The following PM20D2 variants were observed in gnomAD, a reference collection of about 807,000 sequenced individuals.
PM20D2 encodes xaa-Arg dipeptidase.
In PM20D2, 33 loss-of-function variants were observed where a neutral mutation model predicts 42.9. The ratio of observed to expected loss-of-function variants is 0.77; its 90% CI spans 0.58 to 1.03. The LOEUF is 1.03. Ranked by LOEUF, PM20D2 falls within the 50% of genes least tolerant of loss-of-function variation. PM20D2 has a pLI of 0.00. For missense variants in PM20D2, 548 were observed against 557.0 expected, an observed-to-expected ratio of 0.98 and a Z score of 0.16; for synonymous variants, 250 against 228.2, an observed-to-expected ratio of 1.10 and a Z score of -0.86.
In PM20D2 at chr6:89,156,329, C is replaced by T. The variant is rs137937884; in HGVS notation, c.912+1427C>T. 7.0e-3 allele frequency among the ~76,000 whole-genome samples: 1,068 copies of T among 152,288 alleles called. 9 individuals carry two copies. Among genetic ancestry groups the T allele is most frequent in the African/African-American group, 0.024 (1,008 of 41,534 alleles). ...AGAGACAAGATCTTGACCCATAACT[C>T]TCAGCCTAGCTAATTCTGTAACCTT... On this transcript the variant is annotated intron_variant, in intron 4 of 6. Transcript: ENST00000275072.
At chr6:89,158,536 A>G in intron 5 of PM20D2, 76 bp downstream of exon 5, 1 of 1,534,132 alleles carries the variant, frequency 6.5e-7, no homozygotes, top group South Asian at 1.2e-5. Flanking sequence ...GGTTGTATTT[A>G]ATGGTTTGGG....
chr6:89,105,366 TCA>T, the PM20D2 span: 5 of 1,562,338 alleles, frequency 3.2e-6, no homozygotes, highest in Non-Finnish European at 4.3e-6. Context: ...AATTAAAAAA[TCA>T]GTCATCACTG....
intron 1 of PM20D2, chr6:89,148,674 G>T (rs1562248376): frequency 1.6e-6 from 1 of 620,748 alleles, no homozygotes; most frequent in Non-Finnish European, 2.0e-6. Context: ...AAAATAGGTA[G>T]CCCAGTAAGG....
the PM20D2 span, among the ~76,000 whole-genome samples, chr6:89,114,690 T>C: frequency 1.3e-5 from 2 of 152,172 alleles, no homozygotes; most frequent in Non-Finnish European, 1.5e-5. Context: ...ATGAAGTACA[T>C]AGATCAGAGA....
intron 5 of PM20D2, among the ~76,000 whole-genome samples, chr6:89,159,894 T>A (rs378141): frequency 0.83 from 125,802 of 152,152 alleles, 52,794 homozygotes; most frequent in East Asian, 1. Flanking sequence ...AGGTTTCTGC[T>A]GTCTAGCTGA....
chr6:89,148,713 C>T (rs1770696873), intron 1 of PM20D2: 2 of 338,912 alleles, frequency 5.9e-6, no homozygotes, highest in South Asian at 1.2e-4. Context: ...AAGATCAGGA[C>T]ATCTAATCCT....
At chr6:89,154,567 C>A (rs1488085530) in intron 3 of PM20D2, among the ~76,000 whole-genome samples, 181 bp from the exon 4 acceptor site, 1 of 152,008 alleles carries the variant, frequency 6.6e-6, no homozygotes, top group Admixed American at 6.6e-5. Flanking sequence ...AAAAATATCA[C>A]CCTATGTAAA....
intron 5 of PM20D2, among the ~76,000 whole-genome samples, chr6:89,159,758 G>T (rs1771171662): frequency 6.6e-6 from 1 of 152,154 alleles, no homozygotes; most frequent in Admixed American, 6.5e-5. Context: ...GAGCTGGTAG[G>T]GCTGAGGGAT....
intron 2 of PM20D2, among the ~76,000 whole-genome samples, chr6:89,152,153 A>G (rs1770870147): frequency 6.6e-6 from 1 of 152,144 alleles, no homozygotes; most frequent in Non-Finnish European, 1.5e-5. Context: ...GGAAATAACA[A>G]TACAGTATCC....
the PM20D2 span, chr6:89,098,606 C>T: frequency 7.4e-6 from 12 of 1,612,140 alleles, no homozygotes; most frequent in Admixed American, 3.3e-5. Context: ...ACGATAACTT[C>T]GAGATCTGGA....
the PM20D2 span, among the ~76,000 whole-genome samples, chr6:89,103,486 A>G: frequency 3.3e-5 from 5 of 152,058 alleles, no homozygotes; most frequent in Non-Finnish European, 7.4e-5. Context: ...GTGCCACCAC[A>G]CCCACCTAAT....
Position 89,163,224 on chromosome 6 carries a change from A to G in PM20D2, c.*961A>G, listed in dbSNP as rs563917351. ...TTTAAAGTAGCTTCGTGGATGGACC[A>G]TGATCCTAAGATGAGTTTTAATTTT... On this transcript the variant is annotated 3_prime_UTR_variant, in exon 7 of 7. Coordinates refer to ENST00000275072, the MANE Select transcript of PM20D2 (RefSeq NM_001010853.3). The G allele has an allele frequency of 1.3e-5, 2 of 152,376 alleles. No homozygotes were observed. The highest frequency in any genetic ancestry group is 2.4e-5 in the African/African-American group (1 of 41,596). 9.4% of individuals were successfully genotyped at this position (152,376 alleles called of 1,614,324 possible). A position where few individuals can be genotyped will look rare whatever the true frequency, so the allele number is the denominator to read the frequency against.
the PM20D2 span, among the ~76,000 whole-genome samples, chr6:89,123,359 A>G: frequency 6.6e-6 from 1 of 152,150 alleles, no homozygotes; most frequent in South Asian, 2.1e-4. Flanking sequence ...TAATATGTTT[A>G]CTTTAAATTA....
chr6:89,132,714 T>TG, the PM20D2 span, among the ~76,000 whole-genome samples: 2 of 150,492 alleles, frequency 1.3e-5, no homozygotes, highest in African/African-American at 5.0e-5. Flanking sequence ...GGCACACACC[T>TG]GTAATCCCAG....
At chr6:89,133,766 A>G in the PM20D2 span, among the ~76,000 whole-genome samples, 3 of 151,230 alleles carry the variant, frequency 2.0e-5, no homozygotes, top group Admixed American at 2.0e-4. Context: ...TCTTGGACTC[A>G]TGAAGAAACC....
chr6:89,106,536 T>C, the PM20D2 span: 1 of 154,644 alleles, frequency 6.5e-6, no homozygotes, highest in Non-Finnish European at 1.4e-5. Context: ...GTATATAAAT[T>C]ATATAATATT....
intron 1 of PM20D2, chr6:89,148,421 A>C: frequency 2.1e-6 from 1 of 468,022 alleles, no homozygotes; most frequent in Non-Finnish European, 2.8e-6. Context: ...TGATCTTGAA[A>C]ATATATTAGT....
At chr6:89,130,811 T>TGCTGCTGC in the PM20D2 span, among the ~76,000 whole-genome samples, 3 of 76,184 alleles carry the variant, frequency 3.9e-5, no homozygotes, top group African/African-American at 1.3e-4. Flanking sequence ...TGTATCTGGC[T>TGCTGCTGC]TCTTCTTCTT....
At chr6:89,140,894 G>A in the PM20D2 span, among the ~76,000 whole-genome samples, 3 of 152,180 alleles carry the variant, frequency 2.0e-5, no homozygotes, top group African/African-American at 7.2e-5. Context: ...AAAACGAGTT[G>A]TAATAGAATC....
Sources: gnomAD v4.1 joint callset for allele counts (sites outside exome capture counted in the v4.1 genomes callset) on GRCh38, gnomAD v4.1.1 for gene constraint, MANE v1.5 for transcripts, NCBI Gene and HGNC (gene_info 2026-07-23, HGNC 2026-07-21) for gene names.